GSE1: variants seen among roughly 807,000 people sequenced by gnomAD.
The protein encoded by GSE1 is Gse1 coiled-coil protein.
Under a neutral mutation model 112.6 loss-of-function variants are expected in GSE1, and 32 were observed. The observed-to-expected ratio is 0.28, with a 90% CI of 0.21 to 0.38. GSE1 has a LOEUF of 0.38. GSE1 is among the 10% of genes least tolerant of loss of function. The pLI is 1.00. For missense variants in GSE1, 2,348 were observed against 1,699.2 expected (o/e 1.38, Z -6.71); for synonymous variants, 1,115 against 735.6 (o/e 1.52, Z -8.35).
chr16:85,284,211 T>G (rs946539921), intron 1 of GSE1, among the ~76,000 whole-genome samples: 1 of 152,240 alleles, frequency 6.6e-6, no homozygotes, highest in Non-Finnish European at 1.5e-5. Context: ...CGGGTCGTGC[T>G]TTAGCTGTCG....
In GSE1 at chr16:85,226,575, C is replaced by G. The variant is rs569160461; in HGVS notation, c.2283+54768C>G. Among the ~76,000 whole-genome samples the G allele has an allele frequency of 2.0e-5, 3 of 152,186 alleles. No individual in the cohort carries two copies. The Middle Eastern group carries it at 0.01, about 518-fold the overall frequency. The stretch of plus-strand genomic sequence containing the variant: ...GTGTCTGCAGTGGGCATCTTACGTC[C>G]TTGGGCCTCGGTTTCTTCTTAATAA... On this transcript the variant is annotated intron_variant, in intron 1 of 2. Coordinates refer to the GSE1 transcript ENST00000637419.
intron 2 of GSE1, among the ~76,000 whole-genome samples, chr16:85,402,316 C>T (rs372420963): frequency 1.5e-3 from 226 of 152,282 alleles, no homozygotes; most frequent in Non-Finnish European, 2.9e-3. Context: ...GGAGAGGAGT[C>T]GCCAGTGGGA....
intron 1 of GSE1, among the ~76,000 whole-genome samples, chr16:85,592,060 G>C (rs1012494009): frequency 6.6e-6 from 1 of 150,484 alleles, no homozygotes; most frequent in African/African-American, 2.4e-5. Flanking sequence ...CCCGCCCCCC[G>C]CTCCCGTCAG....
chr16:85,560,284 C>T (rs1318450947), intron 1 of GSE1, among the ~76,000 whole-genome samples: 5 of 151,928 alleles, frequency 3.3e-5, no homozygotes, highest in South Asian at 4.2e-4. Flanking sequence ...TACGGGAGTG[C>T]GCCACCACGC....
In GSE1 at chr16:85,666,168, A is replaced by G. The variant is rs2052841613; in HGVS notation, c.2951A>G (p.Lys984Arg). The G allele has an allele frequency of 1.9e-6, 3 of 1,613,474 alleles. No individual in the cohort carries two copies. The South Asian group carries it at 3.3e-5, about 18-fold the overall frequency. Residue 984 changes from lysine (K) to arginine (R), a missense_variant, in exon 13 of 16, where the codon AAG becomes AGG. By Grantham distance (26) the Lys-to-Arg change is conservative. Transcript: ENST00000253458. Reference protein sequence around the residue: ...ARLSEAPGGKKSLSMLHYIRG... With the variant: ...ARLSEAPGGKRSLSMLHYIRG... ...CTGAGCGAGGCCCCTGGAGGCAAAAAGAGTCTGAGCATGCTTCACTATATC... is the reference window on the plus strand; with the variant it reads ...CTGAGCGAGGCCCCTGGAGGCAAAAGGAGTCTGAGCATGCTTCACTATATC...
chr16:85,594,334 C>G (rs986678534), intron 1 of GSE1: 1 of 152,206 alleles, frequency 6.6e-6, no homozygotes, highest in Non-Finnish European at 1.5e-5. Flanking sequence ...ACCGAAGCCT[C>G]CTTTATTTTC....
chr16:85,623,147 C>A (rs551842206), intron 1 of GSE1, among the ~76,000 whole-genome samples: 1 of 151,964 alleles, frequency 6.6e-6, no homozygotes, highest in African/African-American at 2.4e-5. Flanking sequence ...CTCGTTTAAA[C>A]AACACAGCGT....
rs944689399 is a variant in GSE1, at chr16:85,666,047, C to T, written c.2830C>T (p.Pro944Ser). Residue 944 changes from proline (P) to serine (S), a missense_variant, in exon 13 of 16, where the codon CCA becomes TCA. Transcript: ENST00000253458. The part of the protein sequence containing the change: ...VGVAASLSDI[P>S]KAAEPGKLEQ... The stretch of plus-strand genomic sequence containing the variant: ...TGTTGCTGCTTCCTTGTCTGACATC[C>T]CAAAGGCCGCGGAGCCTGGGAAGCT... 2 of 1,613,668 alleles carry T rather than the reference C, an allele frequency of 1.2e-6. No individual in the cohort carries two copies. The highest frequency in any genetic ancestry group is 2.2e-5 in the South Asian group (2 of 91,086).
intron 1 of GSE1, among the ~76,000 whole-genome samples, chr16:85,250,287 A>T (rs1266994115): frequency 6.6e-6 from 1 of 152,216 alleles, no homozygotes; most frequent in Non-Finnish European, 1.5e-5. Context: ...TTCCCGGCAG[A>T]GGTTCTCGTG....
chr16:85,608,106 G>A (rs971266065), upstream of GSE1, among the ~76,000 whole-genome samples: 55 of 152,198 alleles, frequency 3.6e-4, no homozygotes, highest in African/African-American at 1.1e-3. Flanking sequence ...TCTTGCAAGA[G>A]ATAAGATGTA....
At chr16:85,652,633 G>A (rs558109662) in intron 3 of GSE1, among the ~76,000 whole-genome samples, 75 of 152,182 alleles carry the variant, frequency 4.9e-4, no homozygotes, top group Non-Finnish European at 8.8e-4. Flanking sequence ...GGCCCGGGCT[G>A]CCTGCACTGC....
chr16:85,627,721 G>A (rs1230147445), intron 1 of GSE1, among the ~76,000 whole-genome samples: 1 of 151,828 alleles, frequency 6.6e-6, no homozygotes. Context: ...ACACGGTGGA[G>A]CGTATTCCCA....
intron 2 of GSE1, among the ~76,000 whole-genome samples, chr16:85,433,817 A>C (rs2049179251): frequency 6.6e-6 from 1 of 151,384 alleles, no homozygotes; most frequent in African/African-American, 2.4e-5. Context: ...ATGGGTAGAG[A>C]ATGGATGAAT....
intron 2 of GSE1, among the ~76,000 whole-genome samples, chr16:85,467,761 C>A (rs1008489137): frequency 6.6e-6 from 1 of 152,180 alleles, no homozygotes; most frequent in African/African-American, 2.4e-5. Context: ...TACGGAGATA[C>A]CCCCTCCAGA....
intron 1 of GSE1, among the ~76,000 whole-genome samples, chr16:85,568,743 C>T (rs1401531244): frequency 6.6e-6 from 1 of 152,174 alleles, no homozygotes; most frequent in African/African-American, 2.4e-5. Context: ...AGCTCATTAG[C>T]AAAGTTGAAG....
chr16:85,331,365 G>GTATATATATGTATATATATGTATA, intron 1 of GSE1, among the ~76,000 whole-genome samples: 2 of 101,140 alleles, frequency 2.0e-5, no homozygotes, highest in South Asian at 3.3e-4. Context: ...GTGTGTGTGT[G>GTATATATATGTATATATATGTATA]TATATATGTA....
chr16:85,440,445 C>A (rs1037705779), intron 2 of GSE1, among the ~76,000 whole-genome samples: 2 of 152,244 alleles, frequency 1.3e-5, no homozygotes, highest in Admixed American at 1.3e-4. Flanking sequence ...CCAGAAGTTT[C>A]ACGTGCATCT....
At chr16:85,226,781 G>A (rs1294702990) in intron 1 of GSE1, among the ~76,000 whole-genome samples, 1 of 146,204 alleles carries the variant, frequency 6.8e-6, no homozygotes, top group Non-Finnish European at 1.5e-5. Flanking sequence ...GTGTGTGTGT[G>A]TGTGTGTGTG....
intron 1 of GSE1, among the ~76,000 whole-genome samples, chr16:85,200,524 C>G (rs778484737): frequency 2.0e-5 from 3 of 152,090 alleles, no homozygotes; most frequent in Non-Finnish European, 2.9e-5. Context: ...TTCTCTAAAT[C>G]CTGACCTGTC....
Sources: gnomAD v4.1 joint callset for allele counts (sites outside exome capture counted in the v4.1 genomes callset) on GRCh38, gnomAD v4.1.1 for gene constraint, MANE v1.5 for transcripts, NCBI Gene and HGNC (gene_info 2026-07-23, HGNC 2026-07-21) for gene names.